CNOT6: variants seen among roughly 807,000 people sequenced by gnomAD.
CNOT6 encodes carbon catabolite repression 4 protein.
A neutral mutation model predicts 61.2 loss-of-function variants in CNOT6; 12 were observed. The ratio of observed to expected loss-of-function variants is 0.20; its 90% CI spans 0.13 to 0.32. The LOEUF is 0.32. CNOT6 is among the 10% of genes least tolerant of loss of function. The pLI, the probability that CNOT6 is intolerant of heterozygous loss-of-function variation, is 1.00. For missense variants in CNOT6, 405 were observed against 663.9 expected, an observed-to-expected ratio of 0.61 and a Z score of 4.28; for synonymous variants, 225 against 240.6, an observed-to-expected ratio of 0.94 and a Z score of 0.60.
chr5:180,536,001 T>G (rs908958698), intron 2 of CNOT6, among the ~76,000 whole-genome samples: 6 of 123,298 alleles, frequency 4.9e-5, no homozygotes, highest in African/African-American at 1.2e-4. Context: ...TTTTTTTTTT[T>G]TTTTTTTTTT....
intron 4 of CNOT6, 136 bp downstream of exon 4, chr5:180,553,607 G>A (rs1368742003): frequency 1.3e-4 from 82 of 635,828 alleles, no homozygotes; most frequent in Non-Finnish European, 2.0e-4. Context: ...TAGCTATATC[G>A]CAATGGTTTT....
At chr5:180,494,859 C>CT (rs1339885976) in intron 1 of CNOT6, 96 bp downstream of exon 1, 23 of 152,034 alleles carry the variant, frequency 1.5e-4, no homozygotes, top group Admixed American at 3.3e-4. Context: ...TCGCGGGCAA[C>CT]TTTCGTTTCG....
Position 180,577,177 on chromosome 5 carries a change from G to GTC in CNOT6, c.*2978_*2979insCT, listed in dbSNP as rs1280304803. The GTC allele has an allele frequency of 2.0e-5, 3 of 151,688 alleles. No individual in the cohort carries two copies. Among genetic ancestry groups the GTC allele is most frequent in the Admixed American group, 1.3e-4 (2 of 15,218 alleles). The allele number at this position is 151,688 out of a possible 1,614,324, so 9.4% of individuals were successfully genotyped here. A position where few individuals can be genotyped will look rare whatever the true frequency, so the allele number is the denominator to read the frequency against. ...CATCTCCAGAAATGTGTGTGTGTGT[G>GTC]TGTGTGTGTGTGTGTGTGTTTAATA... is the stretch of plus-strand genomic sequence containing the variant. On this transcript the variant is annotated 3_prime_UTR_variant, in exon 12 of 12. Transcript: ENST00000261951.
At chr5:180,520,502 C>A (rs1440324312) in intron 1 of CNOT6, among the ~76,000 whole-genome samples, 1 of 152,062 alleles carries the variant, frequency 6.6e-6, no homozygotes, top group Admixed American at 6.6e-5. Context: ...ATTAGCTGGG[C>A]ATGGTGGCGC....
chr5:180,538,034 CTTTTTTT>C (rs57646217), intron 2 of CNOT6, among the ~76,000 whole-genome samples: 12 of 74,364 alleles, frequency 1.6e-4, no homozygotes, highest in Non-Finnish European at 5.4e-5. Flanking sequence ...GGAACATCAT[CTTTTTTT>C]TTTTTTTTTT....
chr5:180,557,185 C>A (rs1759941394), intron 4 of CNOT6, among the ~76,000 whole-genome samples: 1 of 152,138 alleles, frequency 6.6e-6, no homozygotes, highest in Non-Finnish European at 1.5e-5. Flanking sequence ...GGGGCTGTTA[C>A]AAATAAAGTT....
chr5:180,528,090 C>G (rs1758185105), intron 1 of CNOT6, among the ~76,000 whole-genome samples: 1 of 45,208 alleles, frequency 2.2e-5, no homozygotes, highest in African/African-American at 5.2e-5. Context: ...TGTAGCCTGA[C>G]TATCCATTTA....
chr5:180,532,624 C>G (rs1007871128), intron 2 of CNOT6, among the ~76,000 whole-genome samples: 3 of 152,174 alleles, frequency 2.0e-5, no homozygotes, highest in Non-Finnish European at 2.9e-5. Context: ...TAGGTGCCCT[C>G]CAATTCAATT....
At chr5:180,499,890 C>T (rs1260161322) in intron 1 of CNOT6, among the ~76,000 whole-genome samples, 1 of 152,020 alleles carries the variant, frequency 6.6e-6, no homozygotes, top group African/African-American at 2.4e-5. Context: ...GGCTCTTAAC[C>T]CATAATAAAC....
intron 2 of CNOT6, chr5:180,534,269 A>G (rs1304917727): frequency 6.1e-6 from 1 of 164,160 alleles, no homozygotes; most frequent in East Asian, 1.7e-4. Context: ...TGACGTAGGC[A>G]TTAAAGCCAA....
chr5:180,528,193 A>G (rs1312876648), intron 1 of CNOT6, among the ~76,000 whole-genome samples: 1 of 152,170 alleles, frequency 6.6e-6, no homozygotes, highest in East Asian at 1.9e-4. Context: ...TTGTAAACTG[A>G]TTATTTTCTA....
In CNOT6 at chr5:180,541,440, AATTTT is replaced by A. The variant is rs1380075512; in HGVS notation, c.113-8490_113-8486del. Among the ~76,000 whole-genome samples, 380 of 102,978 alleles carry A rather than the reference AATTTT, an allele frequency of 3.7e-3. 18 individuals carry two copies. The highest frequency in any genetic ancestry group is 0.012 in the African/African-American group (341 of 27,424). 67.6% of individuals were successfully genotyped at this position (102,978 alleles called of 152,430 possible). On this transcript the variant is annotated intron_variant, in intron 2 of 11. Coordinates refer to ENST00000261951, the MANE Select transcript of CNOT6 (RefSeq NM_001370472.1). ...CATGAACCACCACAACTGGCCAAGAAATTTTTTTTTTTTTTTTTTTTTTTTTTTTG... is the reference window on the plus strand; with the variant it reads ...CATGAACCACCACAACTGGCCAAGAATTTTTTTTTTTTTTTTTTTTTTTTG...
intron 2 of CNOT6, among the ~76,000 whole-genome samples, chr5:180,542,089 A>G (rs1224228282): frequency 6.6e-6 from 1 of 151,950 alleles, no homozygotes; most frequent in Non-Finnish European, 1.5e-5. Flanking sequence ...TGTTTCTTTT[A>G]TGTATGCCTG....
chr5:180,515,568 A>T (rs1321853138), intron 1 of CNOT6, among the ~76,000 whole-genome samples: 1 of 152,134 alleles, frequency 6.6e-6, no homozygotes, highest in Non-Finnish European at 1.5e-5. Context: ...TGAGGAAGGT[A>T]ATCGATGGCA....
At chr5:180,566,853 A>T (rs1298890974) in intron 7 of CNOT6, among the ~76,000 whole-genome samples, 1 of 151,536 alleles carries the variant, frequency 6.6e-6, no homozygotes, top group African/African-American at 2.4e-5. Flanking sequence ...GGGTTTCGCC[A>T]TGTTGGCCAG....
rs183694126 is a variant in CNOT6 at position 180,574,577 on chromosome 5, A to T, written c.*377A>T. ...TTGAGGCCAGTAGCAACATCCAGAG[A>T]TCATTCTTCCATACTTTACTCCCTC... is the stretch of plus-strand genomic sequence containing the variant. On this transcript the variant is annotated 3_prime_UTR_variant, in exon 12 of 12. Transcript: ENST00000261951. 53 of 246,514 alleles carry T rather than the reference A, an allele frequency of 2.1e-4. No homozygotes were observed. The highest frequency in any genetic ancestry group is 3.4e-4 in the Non-Finnish European group (43 of 125,510). 15.3% of individuals were successfully genotyped at this position (246,514 alleles called of 1,614,324 possible).
At position 180,577,756 on chromosome 5, in the gene CNOT6, T is replaced by C. The variant is rs1458379312; in HGVS notation, c.*3556T>C. 6.6e-6 allele frequency: 1 copy of C among 152,668 alleles called. No individual in the cohort carries two copies. Among genetic ancestry groups the C allele is most frequent in the East Asian group, 1.9e-4 (1 of 5,204 alleles). 9.5% of individuals were successfully genotyped at this position (152,668 alleles called of 1,614,324 possible). ...TTATCTGCACTATAAGCTCAAAGAA[T>C]GTCACATCCGCCCAGACAGCTCTTT... On this transcript the variant is annotated 3_prime_UTR_variant, in exon 12 of 12. Coordinates refer to ENST00000261951, the MANE Select transcript of CNOT6 (RefSeq NM_001370472.1).
chr5:180,568,230 CT>C (rs10601026), intron 9 of CNOT6, among the ~76,000 whole-genome samples: 2,289 of 144,486 alleles, frequency 0.016, 40 homozygotes, highest in African/African-American at 0.046. Flanking sequence ...ATTAAAAAAC[CT>C]TTTTTTTTTT....
intron 1 of CNOT6, among the ~76,000 whole-genome samples, chr5:180,516,503 A>G (rs1420252369): frequency 6.6e-6 from 1 of 152,170 alleles, no homozygotes; most frequent in Non-Finnish European, 1.5e-5. Context: ...AAAATTCAGG[A>G]TATTATCTTG....
Sources: allele counts gnomAD v4.1 joint callset (sites outside exome capture counted in the v4.1 genomes callset), GRCh38; gene constraint gnomAD v4.1.1; transcripts MANE v1.5; gene names NCBI Gene and HGNC (gene_info 2026-07-23, HGNC 2026-07-21).